The following CFAP65 variants were observed in gnomAD, a reference collection of about 807,000 sequenced individuals.
The protein encoded by CFAP65 is cilia and flagella associated protein 65.
In CFAP65, 155 loss-of-function variants were observed where a neutral mutation model predicts 208.0. The ratio of observed to expected loss-of-function variants is 0.75; its 90% confidence interval spans 0.65 to 0.85. The LOEUF (loss-of-function observed/expected upper bound fraction) is 0.85, where lower values mean the gene tolerates loss of function less well. CFAP65 is among the 40% of genes least tolerant of loss of function. The probability of loss-of-function intolerance (pLI) is 0.00; values close to 1 mark genes in which losing one functional copy is unlikely to be tolerated. For synonymous variants in CFAP65, 970 were observed against 986.3 expected (o/e 0.98, Z 0.31); for missense variants, 2,294 against 2,451.3 (o/e 0.94, Z 1.36).
chr2:219,038,594 A>G lies in CFAP65; in HGVS notation c.154-16T>C. ...GAGTATGGAGCTGGGAAGAGAGCAG[A>G]GGGGAGAGGAGACAGGAGTGACATG... On this transcript the variant is annotated splice_polypyrimidine_tract_variant and intron_variant, in intron 3 of 34. Transcript: ENST00000341552. 6.2e-7 allele frequency: 1 copy of G among 1,603,358 alleles called. No homozygotes were observed. Among genetic ancestry groups the G allele is most frequent in the Non-Finnish European group, 8.5e-7 (1 of 1,171,636 alleles).
chr2:219,030,065 G>T lies in CFAP65; in HGVS notation c.1305C>A (p.Thr435=). 1 of 1,614,072 alleles carries T rather than the reference G, an allele frequency of 6.2e-7. No homozygotes were observed. The highest frequency in any genetic ancestry group is 1.1e-5 in the South Asian group (1 of 91,076). The change falls in exon 10 of 35, where the codon ACC becomes ACA. Residue 435 remains threonine (T), a synonymous_variant. Coordinates refer to ENST00000341552, the MANE Select transcript of CFAP65 (RefSeq NM_194302.4). ...SVFFHPKTLD[T]RTVDYCSIMP... is the part of the protein sequence containing the mutation. ...TGATGGAGCAGTAGTCCACAGTTCT[G>T]GTGTCCAGAGTCTTGGGGTGGAAGA...
intron 32 of CFAP65, 113 bp downstream of exon 32, chr2:219,005,321 C>T: frequency 7.0e-7 from 1 of 1,426,704 alleles, no homozygotes. Context: ...CCTCCATGCC[C>T]CACCAAGTTC....
intron 14 of CFAP65, 84 bp from the exon 15 acceptor site, chr2:219,024,344 A>C: frequency 6.6e-7 from 1 of 1,506,820 alleles, no homozygotes; most frequent in Admixed American, 2.1e-5. Context: ...GGGGCTTGGG[A>C]GGAGCTGTCT....
At position 219,009,965 on chromosome 2, in the gene CFAP65, G is replaced by A. The variant is rs1326462759; in HGVS notation, c.4429C>T (p.Pro1477Ser). Residue 1477 changes from proline (P) to serine (S), a missense_variant, in exon 27 of 35, where the codon CCA (proline) becomes TCA (serine). By Grantham distance (74) the Pro-to-Ser change is moderately conservative. Coordinates refer to ENST00000341552, the MANE Select transcript of CFAP65 (RefSeq NM_194302.4). ...ACCTCCCCAAAATCTAGAGGACTTG[G>A]CTGCCAGGAGAAGGCAATTTCCTCG... ...KNEEIAFSWQ[P>S]SPLDFGEVSV... The A allele has an allele frequency of 1.2e-6, 2 of 1,612,004 alleles. No individual in the cohort carries two copies. Among genetic ancestry groups the A allele is most frequent in the Middle Eastern group, 1.7e-4 (1 of 6,058 alleles).
chr2:219,038,747 G>A, intron 3 of CFAP65, 149 bp downstream of exon 3: 1 of 1,124,132 alleles, frequency 8.9e-7, no homozygotes. Flanking sequence ...GAGATCCAGG[G>A]CTTTGCCTGG....
intron 24 of CFAP65, 63 bp downstream of exon 24, chr2:219,013,196 C>G: frequency 8.9e-7 from 1 of 1,123,220 alleles, no homozygotes; most frequent in Non-Finnish European, 1.3e-6. Flanking sequence ...CAAGGGCTGA[C>G]ACTCATACCT....
In CFAP65 at chr2:219,010,920, TCC is replaced by T. The variant is rs1333945985; in HGVS notation, c.4032_4033del (p.Glu1345LysfsTer4). ...AAAGATGGGGTGATCAAAATTTTTT[TCC>T]TGAACCTGTGACAGGACATCGGTCT... On this transcript the variant is annotated frameshift_variant, in exon 25 of 35. Coordinates refer to ENST00000341552, the MANE Select transcript of CFAP65 (RefSeq NM_194302.4). LOFTEE classifies it high-confidence loss of function. 2.5e-6 allele frequency: 4 copies of T among 1,613,798 alleles called. No individual in the cohort carries two copies. Among genetic ancestry groups the T allele is most frequent in the Non-Finnish European group, 3.4e-6 (4 of 1,180,024 alleles).
At chr2:219,020,235 T>G (rs932444766) in intron 19 of CFAP65, among the ~76,000 whole-genome samples, 1 of 152,234 alleles carries the variant, frequency 6.6e-6, no homozygotes, top group African/African-American at 2.4e-5. Flanking sequence ...ATAAATGAAA[T>G]TATTCAATAT....
At position 219,005,576 on chromosome 2, in the gene CFAP65, G is replaced by C; in HGVS notation, c.4923-14C>G. ...TTTGGCAGCTCCCTGTGGCAGCCAT[G>C]ACATTCTGAGTGGCCTGGGCAAGCC... On this transcript the variant is annotated splice_polypyrimidine_tract_variant and intron_variant, in intron 31 of 34. Transcript: ENST00000341552. 1 of 1,610,852 alleles carries C rather than the reference G, an allele frequency of 6.2e-7. No homozygotes were observed. The highest frequency in any genetic ancestry group is 8.5e-7 in the Non-Finnish European group (1 of 1,179,490).
rs187072312 is a variant in CFAP65, at chr2:219,009,122, G to C, written c.4599C>G (p.His1533Gln). 9.7e-5 allele frequency: 157 copies of C among 1,612,866 alleles called. No homozygotes were observed. The East Asian group carries it at 2.9e-3, about 30-fold the overall frequency. Residue 1533 changes from histidine (H) to glutamine (Q), a missense_variant, in exon 29 of 35, where the codon CAC (histidine) becomes CAG (glutamine). Around this residue, in one of 2 missense-constraint regions of CFAP65, gnomAD observed 1,427 missense variants for 1,438.7 expected, o/e 0.99. Transcript: ENST00000341552. ...LYSQQLMRQYHKELQEWKDEK... is the reference protein window; with the variant it reads ...LYSQQLMRQYQKELQEWKDEK... ...CGTCCTTCCACTCCTGCAGCTCCTT[G>C]TGATACTGCCTCATGAGCTGCTGCG...
intron 31 of CFAP65, among the ~76,000 whole-genome samples, 200 bp from the exon 32 acceptor site, chr2:219,005,762 C>G (rs1020012459): frequency 1.1e-4 from 16 of 152,204 alleles, no homozygotes; most frequent in Admixed American, 3.9e-4. Context: ...AGAGAGACTC[C>G]CAGTTGGAAA....
Position 219,003,330 on chromosome 2 carries a change from TCGCCTGTC to T in CFAP65, c.5556-66_5556-59del. 6.8e-7 allele frequency: 1 copy of T among 1,471,468 alleles called. No homozygotes were observed. The highest frequency in any genetic ancestry group is 1.4e-5 in the South Asian group (1 of 71,654). 91.2% of individuals were successfully genotyped at this position (1,471,468 alleles called of 1,614,324 possible). On this transcript the variant is annotated intron_variant, in intron 33 of 34. Coordinates refer to ENST00000341552, the MANE Select transcript of CFAP65 (RefSeq NM_194302.4). The surrounding 1 kb of genome is among the most constrained non-coding windows in gnomAD (Gnocchi z 4.4). ...CCGCAGTGCCCGCGCGCCTCCTCGC[TCGCCTGTC>T]CGTGCGGTACATTGTGCCGCGAGCT...
intron 29 of CFAP65, among the ~76,000 whole-genome samples, chr2:219,007,032 G>A (rs1485906995): frequency 6.6e-6 from 1 of 152,084 alleles, no homozygotes; most frequent in Non-Finnish European, 1.5e-5. Flanking sequence ...GCAGCTCCAA[G>A]GGAGCTTGCC....
intron 21 of CFAP65, among the ~76,000 whole-genome samples, chr2:219,015,930 C>T (rs1334744989): frequency 6.6e-6 from 1 of 152,054 alleles, no homozygotes; most frequent in Non-Finnish European, 1.5e-5. Context: ...TGAGTGAAAG[C>T]ATCATTATTC....
At chr2:219,020,331 T>C (rs1008784887) in intron 19 of CFAP65, among the ~76,000 whole-genome samples, 2 of 152,346 alleles carry the variant, frequency 1.3e-5, no homozygotes, top group African/African-American at 4.8e-5. Context: ...TTCACTTCCC[T>C]TTTCTGGCCT....
chr2:219,006,369 TG>T, intron 30 of CFAP65, 95 bp downstream of exon 30: 1 of 1,531,118 alleles, frequency 6.5e-7, no homozygotes, highest in East Asian at 2.2e-5. Flanking sequence ...CCCTCCTTTC[TG>T]GGAGTCTGGT....
rs1181953992 is a variant in CFAP65, at chr2:219,002,926, G to A, written c.*11C>T. 1.9e-6 allele frequency: 3 copies of A among 1,561,986 alleles called. No homozygotes were observed. In the South Asian group the frequency reaches 3.5e-5, roughly 18 times the overall value. On this transcript the variant is annotated 3_prime_UTR_variant, in exon 35 of 35. Coordinates refer to ENST00000341552, the MANE Select transcript of CFAP65 (RefSeq NM_194302.4). The surrounding 1 kb of genome is among the most constrained non-coding windows in gnomAD (Gnocchi z 7.9). ...CCCTAGCGGCATGTCGGAGAGGCTG[G>A]GCGCGGGCATTTACGGAAGGTCGGT... is the stretch of plus-strand genomic sequence containing the variant.
At chr2:219,009,010 A>G (rs1946233206) in intron 29 of CFAP65, 37 bp downstream of exon 29, 2 of 1,558,796 alleles carry the variant, frequency 1.3e-6, no homozygotes, top group African/African-American at 1.4e-5. Flanking sequence ...CCAGTCAGAA[A>G]GATCTGGGTG....
At chr2:219,024,365 C>T in intron 14 of CFAP65, 105 bp from the exon 15 acceptor site, 2 of 1,408,682 alleles carry the variant, frequency 1.4e-6, no homozygotes, top group Non-Finnish European at 9.6e-7. Context: ...CCAAGTAGAT[C>T]AGAGGTGCTG....
Sources: allele counts gnomAD v4.1 joint callset (sites outside exome capture counted in the v4.1 genomes callset), GRCh38; gene constraint gnomAD v4.1.1; regional missense constraint gnomAD v4.1.1; non-coding constraint Gnocchi (gnomAD v3.1); transcripts MANE v1.5; gene names NCBI Gene and HGNC (gene_info 2026-07-23, HGNC 2026-07-21).